TBC1D19: variants seen among roughly 807,000 people sequenced by gnomAD.
The protein encoded by TBC1D19 is TBC1 domain family member 19, also known as TBC1 domain family, member 19.
TBC1D19 carries 60 observed loss-of-function variants against 89.0 expected under a neutral mutation model. The observed-to-expected ratio is 0.67, with a 90% CI of 0.55 to 0.84. TBC1D19 has a LOEUF of 0.84. Ranked by LOEUF, TBC1D19 falls within the 40% of genes least tolerant of loss-of-function variation. TBC1D19 has a pLI of 0.00. For synonymous variants in TBC1D19, 189 were observed against 199.7 expected, an observed-to-expected ratio of 0.95 and a Z score of 0.45; for missense variants, 500 against 610.8, an observed-to-expected ratio of 0.82 and a Z score of 1.91.
intron 18 of TBC1D19, 49 bp from the exon 19 acceptor site, chr4:26,748,362 G>A: frequency 7.3e-7 from 1 of 1,377,952 alleles, no homozygotes; most frequent in Non-Finnish European, 1.0e-6. Flanking sequence ...GCATTTTCAT[G>A]AGAAAAAATT....
At position 26,638,833 on chromosome 4, in the gene TBC1D19, A is replaced by G; in HGVS notation, c.432A>G (p.Pro144=). 2.5e-6 allele frequency: 4 copies of G among 1,605,478 alleles called. No individual in the cohort carries two copies. The highest frequency in any genetic ancestry group is 3.4e-6 in the Non-Finnish European group (4 of 1,176,634). Residue 144 remains proline, a splice_region_variant and synonymous_variant, in exon 6 of 21, where the codon CCA becomes CCG. Coordinates refer to ENST00000264866, the MANE Select transcript of TBC1D19 (RefSeq NM_018317.4). ...NKWNEMGTDE[P]DLSLFRPVYA... ...GGAATGAAATGGGAACTGATGAACCAGGTATGTGAACAATTTTTTCTGAAT... is the reference window on the plus strand; with the variant it reads ...GGAATGAAATGGGAACTGATGAACCGGGTATGTGAACAATTTTTTCTGAAT...
the TBC1D19 span, among the ~76,000 whole-genome samples, chr4:26,822,208 A>G: frequency 6.6e-6 from 1 of 152,324 alleles, no homozygotes; most frequent in African/African-American, 2.4e-5. Flanking sequence ...TATCACACAA[A>G]AGCCTGGCTC....
At chr4:26,727,901 A>T (rs567594911) in intron 15 of TBC1D19, among the ~76,000 whole-genome samples, 8 of 152,352 alleles carry the variant, frequency 5.3e-5, no homozygotes, top group South Asian at 2.1e-4. Context: ...GATGCTGAAG[A>T]TAATACACAG....
chr4:26,614,380 T>C (rs1320054979), intron 2 of TBC1D19, 28 bp from the exon 3 acceptor site: 5 of 1,459,092 alleles, frequency 3.4e-6, no homozygotes, highest in East Asian at 4.7e-5. Context: ...AGTATGTTCA[T>C]ATATTTTATT....
the TBC1D19 span, among the ~76,000 whole-genome samples, chr4:26,801,945 A>G: frequency 6.6e-6 from 1 of 152,186 alleles, no homozygotes; most frequent in Non-Finnish European, 1.5e-5. Flanking sequence ...TGGGGACTTT[A>G]GTACATTTGT....
chr4:26,814,223 G>A, the TBC1D19 span, among the ~76,000 whole-genome samples: 1 of 152,306 alleles, frequency 6.6e-6, no homozygotes, highest in Admixed American at 6.5e-5. Flanking sequence ...GGCTTGAATT[G>A]AGGATGCAAG....
upstream of TBC1D19, among the ~76,000 whole-genome samples, chr4:26,581,747 A>G (rs1739070145): frequency 2.0e-5 from 3 of 152,186 alleles, no homozygotes; most frequent in African/African-American, 7.2e-5. Context: ...AACTCTTTGT[A>G]TAGCAGCCAC....
At chr4:26,641,566 C>T (rs1048568669) in intron 7 of TBC1D19, among the ~76,000 whole-genome samples, 7 of 152,236 alleles carry the variant, frequency 4.6e-5, no homozygotes, top group South Asian at 2.1e-4. Context: ...CAAAGCAGGA[C>T]GGAGAATGAC....
the TBC1D19 span, among the ~76,000 whole-genome samples, chr4:26,841,557 C>A: frequency 1.3e-5 from 2 of 152,102 alleles, no homozygotes; most frequent in Admixed American, 1.3e-4. Flanking sequence ...CTTGACTTCC[C>A]AGCCCCTCAC....
chr4:26,652,222 C>T (rs1744442693), intron 7 of TBC1D19, among the ~76,000 whole-genome samples: 2 of 151,792 alleles, frequency 1.3e-5, no homozygotes, highest in African/African-American at 4.8e-5. Flanking sequence ...ATGATACTGG[C>T]CTTATAAAAT....
chr4:26,601,920 G>C (rs1740630971), intron 1 of TBC1D19, among the ~76,000 whole-genome samples: 1 of 152,024 alleles, frequency 6.6e-6, no homozygotes. Context: ...AATTAGAATT[G>C]TTTCTTTTTC....
chr4:26,645,984 G>A (rs1289762382), intron 7 of TBC1D19, among the ~76,000 whole-genome samples: 3 of 150,740 alleles, frequency 2.0e-5, no homozygotes, highest in South Asian at 4.2e-4. Flanking sequence ...TTAGCCGGGC[G>A]TAGTGGCGGG....
chr4:26,739,838 AT>A (rs778892380), intron 16 of TBC1D19, 25 bp from the exon 17 acceptor site: 2 of 1,323,864 alleles, frequency 1.5e-6, no homozygotes, highest in East Asian at 5.0e-5. Context: ...GTTCTGCAGT[AT>A]TATAAATTAA....
At chr4:26,594,395 A>T (rs1740052496) in intron 1 of TBC1D19, among the ~76,000 whole-genome samples, 1 of 152,090 alleles carries the variant, frequency 6.6e-6, no homozygotes, top group East Asian at 1.9e-4. Context: ...ATGTTAAATG[A>T]CGAGTTAATG....
At position 26,743,955 on chromosome 4, in the gene TBC1D19, A is replaced by T. The variant is rs537895956; in HGVS notation, c.1319+1356A>T. ...ATAAATTTATTTCAATGACATGATA[A>T]ACATTAAAATTCCTATATAGGAAAA... On this transcript the variant is annotated intron_variant, in intron 18 of 20. Coordinates refer to ENST00000264866, the MANE Select transcript of TBC1D19 (RefSeq NM_018317.4). 4.0e-5 allele frequency among the ~76,000 whole-genome samples: 6 copies of T among 151,792 alleles called. No homozygotes were observed. In the East Asian group the frequency reaches 1.2e-3, roughly 29 times the overall value.
At chr4:26,709,488 A>C (rs965526737) in intron 13 of TBC1D19, among the ~76,000 whole-genome samples, 1 of 151,962 alleles carries the variant, frequency 6.6e-6, no homozygotes, top group African/African-American at 2.4e-5. Context: ...CTTTGTTTGC[A>C]CCTCTCTGGT....
chr4:26,706,588 T>C (rs1715753809), intron 13 of TBC1D19, among the ~76,000 whole-genome samples: 1 of 152,168 alleles, frequency 6.6e-6, no homozygotes, highest in South Asian at 2.1e-4. Context: ...TAGCCTAGTT[T>C]GCCCATTTTT....
chr4:26,643,377 A>T (rs1481831527), intron 7 of TBC1D19, among the ~76,000 whole-genome samples: 1 of 152,230 alleles, frequency 6.6e-6, no homozygotes, highest in African/African-American at 2.4e-5. Flanking sequence ...CTTTGAAACC[A>T]ATGAGAACAA....
Position 26,658,457 on chromosome 4 carries a change from T to C in TBC1D19, c.481-1140T>C, listed in dbSNP as rs867476335. ...TTCCATTGGCCTATATATCTGTTTT[T>C]ATACCAGTACCAGTCTGTTTTGGTT... On this transcript the variant is annotated intron_variant, in intron 7 of 20. Coordinates refer to ENST00000264866, the MANE Select transcript of TBC1D19 (RefSeq NM_018317.4). 2.6e-5 allele frequency among the ~76,000 whole-genome samples: 4 copies of C among 152,136 alleles called. No homozygotes were observed. The South Asian group carries it at 6.2e-4, about 24-fold the overall frequency.
Sources: gnomAD v4.1 joint callset for allele counts (sites outside exome capture counted in the v4.1 genomes callset) on GRCh38, gnomAD v4.1.1 for gene constraint, MANE v1.5 for transcripts, NCBI Gene and HGNC (gene_info 2026-07-23, HGNC 2026-07-21) for gene names.